PBRM1: variants seen among roughly 807,000 people sequenced by gnomAD.
The protein encoded by PBRM1 is protein polybromo-1.
PBRM1 carries 27 observed loss-of-function variants against 194.5 expected under a neutral mutation model. The ratio of observed to expected loss-of-function variants is 0.14; its 90% CI spans 0.10 to 0.19. The LOEUF is 0.19. PBRM1 is among the 10% of genes least tolerant of loss of function. The pLI is 1.00. For synonymous variants in PBRM1, 655 were observed against 693.2 expected, an observed-to-expected ratio of 0.94 and a Z score of 0.87; for missense variants, 1,466 against 2,077.2, an observed-to-expected ratio of 0.71 and a Z score of 5.72.
At chr3:52,610,870 T>C (rs984328900) in intron 15 of PBRM1, among the ~76,000 whole-genome samples, 2 of 151,652 alleles carry the variant, frequency 1.3e-5, no homozygotes, top group African/African-American at 2.4e-5. Context: ...ACCCAGGAGG[T>C]AGAGGTTGCA....
At chr3:52,623,691 C>A (rs758152991) in intron 13 of PBRM1, among the ~76,000 whole-genome samples, 3 of 152,270 alleles carry the variant, frequency 2.0e-5, no homozygotes, top group Non-Finnish European at 4.4e-5. Flanking sequence ...CTAACTGGAT[C>A]CTCACACCAA....
intron 16 of PBRM1, among the ~76,000 whole-genome samples, chr3:52,607,975 A>C (rs2094434013): frequency 6.6e-6 from 1 of 152,166 alleles, no homozygotes; most frequent in South Asian, 2.1e-4. Flanking sequence ...CATTCATCTT[A>C]TTTGAAATAT....
intron 5 of PBRM1, among the ~76,000 whole-genome samples, chr3:52,654,638 G>A (rs1255438443): frequency 6.6e-6 from 1 of 152,076 alleles, no homozygotes; most frequent in African/African-American, 2.4e-5. Context: ...GGGAATGGGG[G>A]GAACTAATTA....
Position 52,609,374 on chromosome 3 carries a change from G to A in PBRM1, c.2506C>T (p.Arg836Trp), listed in dbSNP as rs1438592568. The A allele has an allele frequency of 6.2e-7, 1 of 1,613,614 alleles. No individual in the cohort carries two copies. The highest frequency in any genetic ancestry group is 8.5e-7 in the Non-Finnish European group (1 of 1,179,676). Residue 836 changes from arginine (R) to tryptophan (W), a missense_variant, in exon 16 of 30, where the codon CGG (arginine) becomes TGG (tryptophan). Around this residue, in one of 5 missense-constraint regions of PBRM1, gnomAD observed 687 missense variants for 946.2 expected, o/e 0.73. Coordinates refer to ENST00000296302, the Ensembl canonical transcript of PBRM1. The surrounding 1 kb of genome is among the most constrained non-coding windows in gnomAD (Gnocchi z 4.1). Reference sequence around the variant, plus strand: ...ATATGCTCTTGAAATAAATCAAGCCGACGGTAGCGATTATTTTCAACATTC... The same window carrying A: ...ATATGCTCTTGAAATAAATCAAGCCAACGGTAGCGATTATTTTCAACATTC...
At chr3:52,650,446 C>G (rs2096459804) in intron 6 of PBRM1, among the ~76,000 whole-genome samples, 1 of 146,882 alleles carries the variant, frequency 6.8e-6, no homozygotes. Context: ...GAAAATTTAT[C>G]TGTGGTACTA....
chr3:52,580,297 T>G (rs921127552), intron 20 of PBRM1, among the ~76,000 whole-genome samples: 2 of 152,164 alleles, frequency 1.3e-5, no homozygotes, highest in Non-Finnish European at 2.9e-5. Flanking sequence ...TTTACTATTT[T>G]GATTTATTCC....
intron 22 of PBRM1, among the ~76,000 whole-genome samples, chr3:52,570,523 T>C (rs1559953215): frequency 6.6e-6 from 1 of 152,178 alleles, no homozygotes; most frequent in Non-Finnish European, 1.5e-5. Flanking sequence ...AAAATAATAA[T>C]TCTGCTTACA....
intron 17 of PBRM1, among the ~76,000 whole-genome samples, chr3:52,597,806 C>T (rs1196656211): frequency 6.6e-6 from 1 of 152,048 alleles, no homozygotes; most frequent in Admixed American, 6.5e-5. Flanking sequence ...CAGGTTCAAG[C>T]AATTCTCTTG....
At chr3:52,587,570 CTT>C (rs36056285) in intron 18 of PBRM1, 60 bp from the exon 21 acceptor site, 17,164 of 707,948 alleles carry the variant, frequency 0.024, no homozygotes, top group East Asian at 0.029. Context: ...ACAGAAATCA[CTT>C]TTTTTTTTTT....
chr3:52,625,810 T>G (rs2095429109), intron 13 of PBRM1, among the ~76,000 whole-genome samples: 1 of 152,096 alleles, frequency 6.6e-6, no homozygotes, highest in Non-Finnish European at 1.5e-5. Context: ...ACTCCTGACC[T>G]CAAGTGATCC....
chr3:52,636,659 A>C (rs2095824124), intron 10 of PBRM1, among the ~76,000 whole-genome samples: 1 of 144,624 alleles, frequency 6.9e-6, no homozygotes, highest in Non-Finnish European at 1.5e-5. Context: ...CGGGAGGCTG[A>C]GGCAGGAGAA....
chr3:52,614,688 A>G (rs2094858196), intron 15 of PBRM1, among the ~76,000 whole-genome samples: 1 of 150,726 alleles, frequency 6.6e-6, no homozygotes. Flanking sequence ...CTCCTGACTT[A>G]GTCTCCCAAG....
intron 14 of PBRM1, 65 bp from the exon 17 acceptor site, chr3:52,615,521 C>A: frequency 9.9e-7 from 1 of 1,007,536 alleles, no homozygotes; most frequent in South Asian, 1.3e-5. Flanking sequence ...AAAATGCATC[C>A]ATAAAGAAGT....
chr3:52,578,999 C>A (rs768869423), intron 21 of PBRM1, 55 bp downstream of exon 23: 15 of 1,572,654 alleles, frequency 9.5e-6, no homozygotes, highest in Non-Finnish European at 1.3e-5. Flanking sequence ...CTAATTTCTA[C>A]TGGTTCCAAA....
intron 16 of PBRM1, among the ~76,000 whole-genome samples, chr3:52,607,518 G>A (rs983324887): frequency 6.6e-6 from 1 of 152,220 alleles, no homozygotes. Flanking sequence ...AGACATAAAC[G>A]AAGTTCCTAA....
intron 9 of PBRM1, among the ~76,000 whole-genome samples, chr3:52,643,035 G>A (rs527584882): frequency 2.1e-4 from 32 of 152,224 alleles, no homozygotes; most frequent in South Asian, 8.3e-4. Context: ...TGATTCACCC[G>A]TATCAGCCTC....
intron 19 of PBRM1, among the ~76,000 whole-genome samples, chr3:52,586,966 A>G (rs942957244): frequency 2.0e-5 from 3 of 152,204 alleles, no homozygotes; most frequent in Admixed American, 6.5e-5. Flanking sequence ...TGAACATTTC[A>G]TATAGCTATA....
At chr3:52,558,444 T>TTTTTAACCCAGAA in intron 25 of PBRM1, 31 bp from the exon 28 acceptor site, 2 of 1,498,718 alleles carry the variant, frequency 1.3e-6, no homozygotes, top group Non-Finnish European at 1.8e-6. Flanking sequence ...TTCAATTCTG[T>TTTTTAACCCAGAA]TTTTAACCCA....
At position 52,643,306 on chromosome 3, in the gene PBRM1, G is replaced by C. The variant is rs746391738; in HGVS notation, c.937C>G (p.Pro313Ala). 3.7e-6 allele frequency: 6 copies of C among 1,613,720 alleles called. No homozygotes were observed. In the African/African-American group the frequency reaches 6.7e-5, roughly 18 times the overall value. ...CCAAGGCTGCCTTTACTGTGTGAAG[G>C]ACCTGTCAGTCTGGCTGCAGCCAAG... The change falls in exon 9 of 30, where the codon CCT (proline) becomes GCT (alanine). Residue 313 changes from proline (P) to alanine (A), a missense_variant. This residue lies in a region of PBRM1 where 457 missense variants were observed against 591.6 expected (regional missense o/e 0.77). Coordinates refer to ENST00000296302, the Ensembl canonical transcript of PBRM1.
Sources: allele counts gnomAD v4.1 joint callset (sites outside exome capture counted in the v4.1 genomes callset), GRCh38; gene constraint gnomAD v4.1.1; regional missense constraint gnomAD v4.1.1; non-coding constraint Gnocchi (gnomAD v3.1); transcripts MANE v1.5; gene names NCBI Gene and HGNC (gene_info 2026-07-23, HGNC 2026-07-21).